The following FOXP2 variants were observed in gnomAD, a reference collection of about 807,000 sequenced individuals.
FOXP2 encodes the protein forkhead box protein P2.
FOXP2 carries 12 observed loss-of-function variants against 115.8 expected under a neutral mutation model. That is an observed-to-expected ratio of 0.10 (90% CI 0.07 to 0.17). The LOEUF (loss-of-function observed/expected upper bound fraction) is 0.17, where lower values mean the gene tolerates loss of function less well. Ranked by LOEUF, FOXP2 falls within the 10% of genes least tolerant of loss-of-function variation. The pLI is 1.00. For missense variants in FOXP2, 629 were observed against 843.5 expected (o/e 0.75, Z 3.15); for synonymous variants, 328 against 297.7 (o/e 1.10, Z -1.05).
intron 3 of FOXP2, among the ~76,000 whole-genome samples, chr7:114,538,842 C>T (rs1799518338): frequency 1.3e-5 from 2 of 151,708 alleles, no homozygotes; most frequent in South Asian, 2.1e-4. Context: ...ATGCCCCATC[C>T]AGAAACCGTG....
intron 1 of FOXP2, among the ~76,000 whole-genome samples, chr7:114,260,182 C>T (rs1005547267): frequency 2.7e-5 from 4 of 149,830 alleles, no homozygotes; most frequent in Non-Finnish European, 5.9e-5. Context: ...TGAGCCACTG[C>T]GCCCAGCCTT....
intron 1 of FOXP2, among the ~76,000 whole-genome samples, chr7:114,150,667 A>G (rs557807118): frequency 1.3e-5 from 2 of 152,196 alleles, no homozygotes; most frequent in South Asian, 2.1e-4. Context: ...ATAGATATAT[A>G]TTCTTTATAT....
At position 114,468,096 on chromosome 7, in the gene FOXP2, A is replaced by G. The variant is rs377431632; in HGVS notation, c.168+41417A>G. Among the ~76,000 whole-genome samples, 18 of 152,256 alleles carry G rather than the reference A, an allele frequency of 1.2e-4. No homozygotes were observed. The East Asian group carries it at 3.1e-3, about 26-fold the overall frequency. On this transcript the variant is annotated intron_variant, in intron 2 of 16. Coordinates refer to ENST00000350908, the MANE Select transcript of FOXP2 (RefSeq NM_014491.4). ...GATCTCTACCCAAAGCTTCATGTAC[A>G]TTTCATTATAACTGTTTATGAGAAT...
chr7:114,217,500 T>A (rs1489355954), intron 1 of FOXP2, among the ~76,000 whole-genome samples: 2 of 152,216 alleles, frequency 1.3e-5, no homozygotes. Context: ...GAGACACTTT[T>A]TTTTTTCCTA....
chr7:114,518,778 T>C (rs1397056074), intron 2 of FOXP2, among the ~76,000 whole-genome samples: 1 of 152,174 alleles, frequency 6.6e-6, no homozygotes, highest in Non-Finnish European at 1.5e-5. Flanking sequence ...AGTGCTGGGA[T>C]TATGGGCATG....
At chr7:114,320,094 C>T (rs1444746879) in intron 2 of FOXP2, among the ~76,000 whole-genome samples, 2 of 111,732 alleles carry the variant, frequency 1.8e-5, no homozygotes, top group Middle Eastern at 0.011. Flanking sequence ...CATATATACT[C>T]ATAATATATG....
chr7:114,183,207 T>A (rs1238311149), intron 1 of FOXP2, among the ~76,000 whole-genome samples: 1 of 152,170 alleles, frequency 6.6e-6, no homozygotes, highest in Non-Finnish European at 1.5e-5. Flanking sequence ...ATTTTAAAGA[T>A]GGCACTTTTG....
intron 9 of FOXP2, among the ~76,000 whole-genome samples, chr7:114,653,189 C>T (rs551775797): frequency 4.6e-5 from 7 of 152,038 alleles, no homozygotes; most frequent in Non-Finnish European, 7.4e-5. Flanking sequence ...ACAAAAAGCA[C>T]CATCACTGTT....
At chr7:114,524,024 T>A (rs1798747885) in intron 2 of FOXP2, among the ~76,000 whole-genome samples, 1 of 152,170 alleles carries the variant, frequency 6.6e-6, no homozygotes, top group African/African-American at 2.4e-5. Flanking sequence ...TAGAAGTAAA[T>A]TCAAATTTAA....
In FOXP2 at chr7:114,654,028, A is replaced by G. The variant is rs753367383; in HGVS notation, c.1266+19A>G. 7.4e-6 allele frequency: 12 copies of G among 1,613,180 alleles called. No homozygotes were observed. The highest frequency in any genetic ancestry group is 1.0e-5 in the Non-Finnish European group (12 of 1,179,292). ...CAAACCTGTAAGTGCATATTGCTTTATAAACAGTAAATAGCTCTACCAATG... is the reference window on the plus strand; with the variant it reads ...CAAACCTGTAAGTGCATATTGCTTTGTAAACAGTAAATAGCTCTACCAATG... On this transcript the variant is annotated intron_variant, in intron 10 of 16. Coordinates refer to ENST00000350908, the MANE Select transcript of FOXP2 (RefSeq NM_014491.4).
At chr7:114,544,636 T>C (rs764999018) in intron 3 of FOXP2, among the ~76,000 whole-genome samples, 5 of 152,244 alleles carry the variant, frequency 3.3e-5, no homozygotes, top group African/African-American at 4.8e-5. Context: ...TTGAACATTA[T>C]GATGTGCTGA....
At chr7:114,635,023 A>G (rs1423910131) in intron 6 of FOXP2, among the ~76,000 whole-genome samples, 1 of 152,208 alleles carries the variant, frequency 6.6e-6, no homozygotes, top group East Asian at 1.9e-4. Flanking sequence ...GAGACCAAAC[A>G]GAGAATGCTA....
At chr7:114,387,952 T>C (rs1012841916) in intron 2 of FOXP2, among the ~76,000 whole-genome samples, 2 of 152,182 alleles carry the variant, frequency 1.3e-5, no homozygotes, top group African/African-American at 4.8e-5. Context: ...GCACCATTCA[T>C]TTTCAACTGT....
intron 2 of FOXP2, among the ~76,000 whole-genome samples, chr7:114,447,693 T>C (rs1463384941): frequency 1.3e-5 from 2 of 152,186 alleles, no homozygotes; most frequent in East Asian, 3.9e-4. Context: ...ATCTGAGATT[T>C]AAAGTCATTT....
intron 1 of FOXP2, among the ~76,000 whole-genome samples, chr7:114,266,398 A>T (rs1033288374): frequency 2.0e-5 from 3 of 152,186 alleles, no homozygotes; most frequent in African/African-American, 7.2e-5. Flanking sequence ...TGCAGACTGT[A>T]CAGGAAGCAT....
At chr7:114,605,171 C>T (rs1355313937) in intron 3 of FOXP2, among the ~76,000 whole-genome samples, 1 of 152,164 alleles carries the variant, frequency 6.6e-6, no homozygotes, top group African/African-American at 2.4e-5. Flanking sequence ...GCCCTGGAAA[C>T]TCACATTTAC....
rs1339135113 is a variant in FOXP2, at chr7:114,462,143, C to CG, written c.168+35466dup. On this transcript the variant is annotated intron_variant, in intron 2 of 16. Coordinates refer to ENST00000350908, the MANE Select transcript of FOXP2 (RefSeq NM_014491.4). Reference sequence around the variant, plus strand: ...TAAAAATACAAAAATTAGCCGGGCGCGGTGGCACGTGCCTGTAGTCCCAGC... The same window carrying CG: ...TAAAAATACAAAAATTAGCCGGGCGCGGGTGGCACGTGCCTGTAGTCCCAGC... 2.0e-5 allele frequency among the ~76,000 whole-genome samples: 3 copies of CG among 150,842 alleles called. No homozygotes were observed. In the East Asian group the frequency reaches 6.1e-4, roughly 31 times the overall value.
rs574060193 is a variant in FOXP2, at chr7:114,128,490, C to G, written c.-246-34454C>G. On this transcript the variant is annotated intron_variant, in intron 1 of 19. Coordinates refer to the FOXP2 transcript ENST00000635638. ...AAACAGATTCTTGGAGTTGGCCTTT[C>G]TTACATTTTTCAGTGTAAGTATTGT... Among the ~76,000 whole-genome samples, 11 of 149,654 alleles carry G rather than the reference C, an allele frequency of 7.4e-5. No individual in the cohort carries two copies. In the South Asian group the frequency reaches 2.3e-3, roughly 32 times the overall value.
chr7:114,517,628 T>C (rs772138206), intron 2 of FOXP2, among the ~76,000 whole-genome samples: 23 of 152,314 alleles, frequency 1.5e-4, no homozygotes, highest in Non-Finnish European at 2.6e-4. Flanking sequence ...GGAAGTCAAC[T>C]GACTGTAAGT....
Sources: gnomAD v4.1 joint callset for allele counts (sites outside exome capture counted in the v4.1 genomes callset) on GRCh38, gnomAD v4.1.1 for gene constraint, MANE v1.5 for transcripts, NCBI Gene and HGNC (gene_info 2026-07-23, HGNC 2026-07-21) for gene names.